Variants in FER1L5 observed in about 807,000 individuals in gnomAD.
The protein encoded by FER1L5 is fer-1-like protein 5.
A neutral mutation model predicts 279.9 loss-of-function variants in FER1L5; 187 were observed. The observed-to-expected ratio is 0.67, with a 90% confidence interval of 0.59 to 0.75. FER1L5 has a LOEUF of 0.75. FER1L5 is among the 30% of genes least tolerant of loss of function. The probability of loss-of-function intolerance (pLI) is 0.00; values close to 1 mark genes in which losing one functional copy is unlikely to be tolerated. For synonymous variants in FER1L5, 921 were observed against 989.7 expected, an observed-to-expected ratio of 0.93 and a Z score of 1.30; for missense variants, 2,091 against 2,594.4, an observed-to-expected ratio of 0.81 and a Z score of 4.21.
intron 45 of FER1L5, among the ~76,000 whole-genome samples, chr2:96,701,266 T>C (rs986573867): frequency 5.3e-5 from 8 of 152,194 alleles, no homozygotes; most frequent in East Asian, 1.9e-4. Flanking sequence ...GCTGAGATCA[T>C]GCCACTGCAC....
chr2:96,690,405 C>A, intron 26 of FER1L5, 82 bp from the exon 27 acceptor site: 2 of 1,304,386 alleles, frequency 1.5e-6, no homozygotes, highest in Non-Finnish European at 2.2e-6. Context: ...AGCAGGCACG[C>A]ACACAGGTGT....
intron 44 of FER1L5, 24 bp from the exon 45 acceptor site, chr2:96,700,308 T>TCC: frequency 6.2e-7 from 1 of 1,610,762 alleles, no homozygotes; most frequent in Non-Finnish European, 8.5e-7. Flanking sequence ...CGCAATCCCC[T>TCC]CCTTCCATCC....
At chr2:96,654,057 T>C (rs1050303700) in intron 8 of FER1L5, 12 of 364,176 alleles carry the variant, frequency 3.3e-5, no homozygotes, top group African/African-American at 2.5e-4. Flanking sequence ...ATCAGGTGCC[T>C]ACTATGTGCC....
rs1245466460 is a variant in FER1L5 at position 96,661,806 on chromosome 2, G to A, written c.1018+15G>A. ...CCTTCACCTCAGTTAGAGTCTGGGT[G>A]CAGGGGAGGGAGCAGCCCTGAGATT... is the stretch of plus-strand genomic sequence containing the variant. On this transcript the variant is annotated intron_variant, in intron 12 of 52. Coordinates refer to ENST00000624922, the MANE Select transcript of FER1L5 (RefSeq NM_001293083.2). 1.3e-6 allele frequency: 2 copies of A among 1,551,414 alleles called. No homozygotes were observed. Among genetic ancestry groups the A allele is most frequent in the African/African-American group, 1.4e-5 (1 of 73,044 alleles).
chr2:96,652,026 C>T lies in FER1L5; in HGVS notation c.633+6C>T. Reference sequence around the variant, plus strand: ...ACAACCCTTTCTTTAATGAGGTGGGCTGAACGGGGCACATCAGGCAAGGAG... The same window carrying T: ...ACAACCCTTTCTTTAATGAGGTGGGTTGAACGGGGCACATCAGGCAAGGAG... On this transcript the variant is annotated splice_donor_region_variant and intron_variant, in intron 7 of 52. Transcript: ENST00000624922. 6.4e-7 allele frequency: 1 copy of T among 1,551,636 alleles called. No individual in the cohort carries two copies. Among genetic ancestry groups the T allele is most frequent in the Non-Finnish European group, 8.7e-7 (1 of 1,146,970 alleles).
In FER1L5 at chr2:96,642,830, C is replaced by G; in HGVS notation, c.-7C>G. 1 of 1,550,444 alleles carries G rather than the reference C, an allele frequency of 6.4e-7. No homozygotes were observed. The highest frequency in any genetic ancestry group is 8.7e-7 in the Non-Finnish European group (1 of 1,146,406). ...TAGGGAAGGAGGGAAGAAAGTAGGT[C>G]TCCGAGATGCTGCGGCTTGTGGTGC... is the stretch of plus-strand genomic sequence containing the variant. On this transcript the variant is annotated 5_prime_UTR_variant, in exon 1 of 53. Coordinates refer to ENST00000624922, the MANE Select transcript of FER1L5 (RefSeq NM_001293083.2).
At chr2:96,670,925 C>T (rs987846847) in intron 18 of FER1L5, among the ~76,000 whole-genome samples, 3 of 151,372 alleles carry the variant, frequency 2.0e-5, no homozygotes, top group East Asian at 1.9e-4. Flanking sequence ...GCCAATATGG[C>T]GAAACCTCAT....
At chr2:96,684,301 T>A in intron 19 of FER1L5, 26 bp from the exon 20 acceptor site, 4 of 1,546,424 alleles carry the variant, frequency 2.6e-6, no homozygotes, top group Non-Finnish European at 3.5e-6. Context: ...AGACACCCCA[T>A]CCCTCCATGT....
Position 96,697,512 on chromosome 2 carries a change from C to A in FER1L5, c.4084-14C>A. ...GAGCTATGGCTTTCCCTTGCTCACC[C>A]TCTCCTTTTTCAGTTCCTAGGCTAC... is the stretch of plus-strand genomic sequence containing the variant. On this transcript the variant is annotated splice_polypyrimidine_tract_variant and intron_variant, in intron 37 of 52. Transcript: ENST00000624922. 1 of 1,612,330 alleles carries A rather than the reference C, an allele frequency of 6.2e-7. No homozygotes were observed. Among genetic ancestry groups the A allele is most frequent in the South Asian group, 1.1e-5 (1 of 90,552 alleles).
chr2:96,654,544 A>G (rs1245367479), intron 9 of FER1L5, 48 bp downstream of exon 9: 1 of 398,688 alleles, frequency 2.5e-6, no homozygotes, highest in Non-Finnish European at 4.4e-6. Context: ...TTATTAAAAC[A>G]GAGACCCATG....
chr2:96,645,467 A>T (rs1006224452), intron 1 of FER1L5, among the ~76,000 whole-genome samples: 2 of 152,208 alleles, frequency 1.3e-5, no homozygotes, highest in East Asian at 3.9e-4. Flanking sequence ...AGCCCCGCTT[A>T]GCTGCAAGAC....
chr2:96,645,515 C>T (rs954987966), intron 1 of FER1L5, among the ~76,000 whole-genome samples: 4 of 152,266 alleles, frequency 2.6e-5, no homozygotes, highest in South Asian at 2.1e-4. Flanking sequence ...GGGCCGAGCG[C>T]GGTGGCTTTA....
chr2:96,691,753 G>A lies in FER1L5; in HGVS notation c.3076-72G>A. ...CGAGGGTGGCAGTGTGAGGGAGGAG[G>A]GTGACTGGGCCTGGGCTAGAGGAAA... On this transcript the variant is annotated intron_variant, in intron 29 of 52. Transcript: ENST00000624922. This position sits in a 1 kb window ranked among gnomAD's most constrained non-coding sequence, Gnocchi z 6.0. The A allele has an allele frequency of 6.4e-6, 10 of 1,551,480 alleles. No homozygotes were observed. In the Middle Eastern group the frequency reaches 1.7e-3, roughly 259 times the overall value.
At chr2:96,674,449 C>T (rs1166265663) in intron 19 of FER1L5, among the ~76,000 whole-genome samples, 1 of 152,148 alleles carries the variant, frequency 6.6e-6, no homozygotes. Flanking sequence ...GTCTAGATCT[C>T]CTGACCTCAG....
chr2:96,654,569 C>G (rs1468238575), intron 9 of FER1L5, 73 bp downstream of exon 9: 2 of 397,860 alleles, frequency 5.0e-6, no homozygotes, highest in Non-Finnish European at 8.9e-6. Flanking sequence ...GCTCCATGCC[C>G]AAGTCTAGGG....
chr2:96,644,381 G>A (rs953273923), intron 1 of FER1L5, among the ~76,000 whole-genome samples: 1 of 152,012 alleles, frequency 6.6e-6, no homozygotes, highest in Non-Finnish European at 1.5e-5. Flanking sequence ...CTACTTGGGA[G>A]GCTGTCAGGA....
chr2:96,703,473 C>T (rs761987333), intron 50 of FER1L5, 50 bp from the exon 51 acceptor site: 19 of 1,610,552 alleles, frequency 1.2e-5, no homozygotes, highest in Admixed American at 1.7e-5. Flanking sequence ...TAAAACTACC[C>T]GGCTCCTGCT....
In FER1L5 at chr2:96,685,357, C is replaced by T. The variant is rs570502691; in HGVS notation, c.1823C>T (p.Thr608Met). ...GCCAACCTGGACACCCTGAAATCCA[C>T]GCGGAATCCGAAGGATCCAGCTCTC... is the stretch of plus-strand genomic sequence containing the variant. ...LKANLDTLKS[T>M]RNPKDPALLY... The change falls in exon 21 of 53, where the codon ACG becomes ATG. Residue 608 changes from threonine (T) to methionine (M), a missense_variant. By Grantham distance (81) the Thr-to-Met change is moderately conservative. Coordinates refer to ENST00000624922, the MANE Select transcript of FER1L5 (RefSeq NM_001293083.2). 7.1e-6 allele frequency: 11 copies of T among 1,551,256 alleles called. No individual in the cohort carries two copies. Among genetic ancestry groups the T allele is most frequent in the African/African-American group, 2.7e-5 (2 of 73,134 alleles).
At position 96,684,321 on chromosome 2, in the gene FER1L5, T is replaced by G; in HGVS notation, c.1670-6T>G. 3.9e-6 allele frequency: 6 copies of G among 1,551,204 alleles called. No homozygotes were observed. The highest frequency in any genetic ancestry group is 5.2e-6 in the Non-Finnish European group (6 of 1,146,614). On this transcript the variant is annotated splice_region_variant and splice_polypyrimidine_tract_variant and intron_variant, in intron 19 of 52. Transcript: ENST00000624922. The stretch of plus-strand genomic sequence containing the variant: ...CCCCATCCCTCCATGTGTCTCTGTG[T>G]CTCAGGGAACATCTACCATTATGTG...
Sources: gnomAD v4.1 joint callset for allele counts (sites outside exome capture counted in the v4.1 genomes callset) on GRCh38, gnomAD v4.1.1 for gene constraint, Gnocchi (gnomAD v3.1) non-coding constraint, MANE v1.5 for transcripts, NCBI Gene and HGNC (gene_info 2026-07-23, HGNC 2026-07-21) for gene names.